The following SLC38A10 variants were observed in gnomAD, a reference collection of about 807,000 sequenced individuals.
SLC38A10 encodes the protein Sodium-coupled neutral amino acid transporter 10.
SLC38A10 carries 53 observed loss-of-function variants against 81.0 expected under a neutral mutation model. The observed-to-expected ratio is 0.65, with a 90% confidence interval of 0.53 to 0.82. SLC38A10 has a LOEUF of 0.82. Among genes scored for constraint, SLC38A10 ranks in the 40% least tolerant of loss-of-function variants. The pLI, the probability that SLC38A10 is intolerant of heterozygous loss-of-function variation, is 0.00. For synonymous variants in SLC38A10, 665 were observed against 655.3 expected, an observed-to-expected ratio of 1.01 and a Z score of -0.23; for missense variants, 1,471 against 1,545.0, an observed-to-expected ratio of 0.95 and a Z score of 0.80.
In SLC38A10 at chr17:81,276,942, A is replaced by C. The variant is rs1199849984; in HGVS notation, c.729+89T>G. ...GAAAAACCCAGCAGCACACAGGGCCAGGGCCATGCCTGTGGCAGTCCCACG... is the reference window on the plus strand; with the variant it reads ...GAAAAACCCAGCAGCACACAGGGCCCGGGCCATGCCTGTGGCAGTCCCACG... On this transcript the variant is annotated intron_variant, in intron 7 of 15. Transcript: ENST00000374759. This position sits in a 1 kb window ranked among gnomAD's most constrained non-coding sequence, Gnocchi z 4.7. 1 of 1,328,564 alleles carries C rather than the reference A, an allele frequency of 7.5e-7. No individual in the cohort carries two copies. The highest frequency in any genetic ancestry group is 1.1e-6 in the Non-Finnish European group (1 of 925,916). The allele number at this position is 1,328,564 out of a possible 1,614,324, so 82.3% of individuals were successfully genotyped here. A position where few individuals can be genotyped will look rare whatever the true frequency, so the allele number is the denominator to read the frequency against.
chr17:81,251,065 G>A (rs556660475), intron 14 of SLC38A10: 675 of 1,454,310 alleles, frequency 4.6e-4, no homozygotes, highest in Non-Finnish European at 5.2e-4. Context: ...GGGTCCCCTT[G>A]GGGCACAGCC....
At chr17:81,266,904 G>C (rs1017889761) in intron 10 of SLC38A10, among the ~76,000 whole-genome samples, 1 of 152,262 alleles carries the variant, frequency 6.6e-6, no homozygotes, top group Non-Finnish European at 1.5e-5. Flanking sequence ...TTTTGTTAGA[G>C]TCAGATGGGC....
chr17:81,274,520 A>C (rs7219316), intron 8 of SLC38A10, among the ~76,000 whole-genome samples: 75,731 of 152,104 alleles, frequency 0.5, 20,866 homozygotes, highest in African/African-American at 0.74. Flanking sequence ...TTCCAGCTGA[A>C]GGGACATACC....
At chr17:81,268,023 A>G (rs1012650521) in intron 10 of SLC38A10, among the ~76,000 whole-genome samples, 7 of 151,582 alleles carry the variant, frequency 4.6e-5, no homozygotes, top group African/African-American at 1.7e-4. Context: ...GCCACTCCAC[A>G]TTCTGTGTGC....
In SLC38A10 at chr17:81,295,146, C is replaced by T; in HGVS notation, c.-225G>A. ...AGGCCGGCTGCGGGGGCGAGGTCAA[C>T]CTCCGGACCCCGCCAAGCCCTGCGG... On this transcript the variant is annotated 5_prime_UTR_variant, in exon 1 of 16. Coordinates refer to ENST00000374759, the MANE Select transcript of SLC38A10 (RefSeq NM_001037984.3). 3.2e-6 allele frequency: 2 copies of T among 623,222 alleles called. No homozygotes were observed. The highest frequency in any genetic ancestry group is 4.4e-6 in the Non-Finnish European group (2 of 455,048). The allele number at this position is 623,222 out of a possible 1,614,324, so 38.6% of individuals were successfully genotyped here.
At chr17:81,259,121 G>A (rs980868762) in intron 11 of SLC38A10, among the ~76,000 whole-genome samples, 3 of 152,230 alleles carry the variant, frequency 2.0e-5, no homozygotes, top group South Asian at 2.1e-4. Context: ...CCAGGGTCAC[G>A]GCTGAGATGG....
chr17:81,294,754 G>T, intron 1 of SLC38A10, 69 bp downstream of exon 1: 1 of 1,429,854 alleles, frequency 7.0e-7, no homozygotes, highest in Non-Finnish European at 9.4e-7. Context: ...CTTTAACCAG[G>T]ACGACCCAGC....
chr17:81,252,010 A>G, intron 13 of SLC38A10, 185 bp downstream of exon 13: 2 of 798,394 alleles, frequency 2.5e-6, no homozygotes, highest in Non-Finnish European at 3.8e-6. Flanking sequence ...ATATTACAGT[A>G]GCTGTCAGCC....
chr17:81,292,091 G>A (rs1417391704), intron 1 of SLC38A10, among the ~76,000 whole-genome samples: 1 of 151,710 alleles, frequency 6.6e-6, no homozygotes. Context: ...AATCTATATA[G>A]ATCTATATCT....
chr17:81,265,278 G>A lies in SLC38A10; in HGVS notation c.1132-4884C>T, dbSNP rs2063060061. The A allele has an allele frequency of 6.6e-6, 1 of 152,230 alleles. No homozygotes were observed. Among genetic ancestry groups the A allele is most frequent in the Non-Finnish European group, 1.5e-5 (1 of 68,070 alleles). The allele number at this position is 152,230 out of a possible 1,614,324, so 9.4% of individuals were successfully genotyped here. On this transcript the variant is annotated intron_variant, in intron 10 of 15. Coordinates refer to ENST00000374759, the MANE Select transcript of SLC38A10 (RefSeq NM_001037984.3). The surrounding 1 kb of genome is among the most constrained non-coding windows in gnomAD (Gnocchi z 4.2). ...GCACGCCTGTAATCCCAGCTACTCG[G>A]GAGGCTGAGGCTGGACAATCACTTG...
intron 11 of SLC38A10, among the ~76,000 whole-genome samples, chr17:81,257,667 C>T (rs200442230): frequency 1.3e-5 from 2 of 152,268 alleles, no homozygotes; most frequent in Non-Finnish European, 1.5e-5. Flanking sequence ...GCCATCTCTG[C>T]CCCCGCACCA....
chr17:81,280,584 C>G (rs772522053), intron 6 of SLC38A10, 25 bp downstream of exon 6: 75 of 1,612,152 alleles, frequency 4.7e-5, no homozygotes, highest in Non-Finnish European at 6.3e-5. Flanking sequence ...CAGAACTCCA[C>G]CACAGACCAC....
chr17:81,249,728 G>A (rs2062893066), intron 14 of SLC38A10, among the ~76,000 whole-genome samples: 1 of 152,002 alleles, frequency 6.6e-6, no homozygotes, highest in Non-Finnish European at 1.5e-5. Flanking sequence ...GATCTGTCAA[G>A]GTGGCCCATG....
Position 81,283,316 on chromosome 17 carries a change from G to C in SLC38A10, c.357+93C>G. 1.8e-6 allele frequency: 2 copies of C among 1,142,242 alleles called. No individual in the cohort carries two copies. Among genetic ancestry groups the C allele is most frequent in the African/African-American group, 3.1e-5 (2 of 64,972 alleles). The allele number at this position is 1,142,242 out of a possible 1,614,324, so 70.8% of individuals were successfully genotyped here. A position where few individuals can be genotyped will look rare whatever the true frequency, so the allele number is the denominator to read the frequency against. ...GCTCGACAGAAGCTTCTCCCGACCA[G>C]CACCCAGGTCTCGGTCCTCGGGAGG... On this transcript the variant is annotated intron_variant, in intron 4 of 15. Transcript: ENST00000374759. The surrounding 1 kb of genome is among the most constrained non-coding windows in gnomAD (Gnocchi z 4.7).
rs990389707 is a variant in SLC38A10 at position 81,253,460 on chromosome 17, G to A, written c.1289-220C>T. On this transcript the variant is annotated intron_variant, in intron 11 of 15. Coordinates refer to ENST00000374759, the MANE Select transcript of SLC38A10 (RefSeq NM_001037984.3). This position sits in a 1 kb window ranked among gnomAD's most constrained non-coding sequence, Gnocchi z 4.1. ...AAATGCGATTTACACCTAACTGGGG[G>A]CAGGGAGAACTAGACTCCATGTAAT... Among the ~76,000 whole-genome samples the A allele has an allele frequency of 6.6e-6, 1 of 152,072 alleles. No homozygotes were observed. Among genetic ancestry groups the A allele is most frequent in the African/African-American group, 2.4e-5 (1 of 41,404 alleles).
intron 8 of SLC38A10, among the ~76,000 whole-genome samples, chr17:81,274,360 G>A (rs971597436): frequency 1.3e-5 from 2 of 152,248 alleles, no homozygotes; most frequent in African/African-American, 4.8e-5. Context: ...TGGCCACATG[G>A]ACAGTGAGCC....
intron 6 of SLC38A10, among the ~76,000 whole-genome samples, chr17:81,278,859 C>T (rs924988678): frequency 2.0e-5 from 3 of 152,156 alleles, no homozygotes; most frequent in South Asian, 2.1e-4. Context: ...GGGTGTCCCA[C>T]GCACACGGGG....
At chr17:81,258,225 G>A (rs536150211) in intron 11 of SLC38A10, among the ~76,000 whole-genome samples, 6 of 152,262 alleles carry the variant, frequency 3.9e-5, no homozygotes, top group Non-Finnish European at 7.3e-5. Flanking sequence ...ATAAAACTCC[G>A]CTCAGCAGTC....
chr17:81,245,315 A>G lies in SLC38A10; in HGVS notation c.*241T>C. The G allele has an allele frequency of 2.1e-6, 1 of 475,786 alleles. No homozygotes were observed. Among genetic ancestry groups the G allele is most frequent in the Non-Finnish European group, 3.6e-6 (1 of 274,802 alleles). 29.5% of individuals were successfully genotyped at this position (475,786 alleles called of 1,614,324 possible). On this transcript the variant is annotated 3_prime_UTR_variant, in exon 16 of 16. Transcript: ENST00000374759. The stretch of plus-strand genomic sequence containing the variant: ...TCTCCTCACAGGCTGGAGTGAGCTC[A>G]GAGTCTAGAGGTCAGAGGACCTCAG...
Sources: allele counts gnomAD v4.1 joint callset (sites outside exome capture counted in the v4.1 genomes callset), GRCh38; gene constraint gnomAD v4.1.1; non-coding constraint Gnocchi (gnomAD v3.1); transcripts MANE v1.5; gene names NCBI Gene and HGNC (gene_info 2026-07-23, HGNC 2026-07-21).